SUN3: variants seen among roughly 807,000 people sequenced by gnomAD.
SUN3 encodes Sad1 and UNC84 domain containing 3, also known as SUN domain-containing protein 3.
SUN3 carries 36 observed loss-of-function variants against 48.2 expected under a neutral mutation model. The observed-to-expected ratio is 0.75, with a 90% CI of 0.57 to 0.99. SUN3 has a LOEUF of 0.99. Ranked by LOEUF, SUN3 falls within the 50% of genes least tolerant of loss-of-function variation. The probability of loss-of-function intolerance (pLI) is 0.00; values close to 1 mark genes in which losing one functional copy is unlikely to be tolerated. For synonymous variants in SUN3, 148 were observed against 147.9 expected, an observed-to-expected ratio of 1.00 and a Z score of 0.00; for missense variants, 419 against 433.1, an observed-to-expected ratio of 0.97 and a Z score of 0.29.
At chr7:48,028,267 T>C (rs1786060383) in intron 1 of SUN3, among the ~76,000 whole-genome samples, 1 of 151,940 alleles carries the variant, frequency 6.6e-6, no homozygotes, top group Admixed American at 6.6e-5. Flanking sequence ...CGTTTGTAAA[T>C]AGGTTTAGGG....
At chr7:48,001,006 T>C (rs976220803) in intron 6 of SUN3, among the ~76,000 whole-genome samples, 4 of 152,194 alleles carry the variant, frequency 2.6e-5, no homozygotes, top group Non-Finnish European at 5.9e-5. Flanking sequence ...GTTTCTGAAG[T>C]TCTGTTTGCA....
intron 6 of SUN3, among the ~76,000 whole-genome samples, chr7:47,999,749 G>A (rs538838361): frequency 6.6e-6 from 1 of 152,290 alleles, no homozygotes; most frequent in Non-Finnish European, 1.5e-5. Flanking sequence ...TGGCCAGGCT[G>A]GTCTCGAACT....
intron 6 of SUN3, among the ~76,000 whole-genome samples, chr7:48,005,178 A>G (rs373801056): frequency 5.3e-5 from 8 of 152,212 alleles, no homozygotes; most frequent in South Asian, 2.1e-4. Context: ...ACCAAAACAA[A>G]CAAACAACCA....
the SUN3 span, among the ~76,000 whole-genome samples, chr7:48,035,125 A>C: frequency 1.3e-5 from 2 of 152,168 alleles, no homozygotes; most frequent in Non-Finnish European, 2.9e-5. This position sits in a 1 kb window ranked among gnomAD's most constrained non-coding sequence, Gnocchi z 4.0. Flanking sequence ...AGGGTGAGAC[A>C]GTTATACTTA....
rs1312763832 is a variant in SUN3, at chr7:48,006,070, A to C, written c.493-17T>G. Reference sequence around the variant, plus strand: ...TGACACTTCCTGTAGAAATTTTATAAACAGTTTTCTGTTAACAATCTTTGC... The same window carrying C: ...TGACACTTCCTGTAGAAATTTTATACACAGTTTTCTGTTAACAATCTTTGC... On this transcript the variant is annotated splice_polypyrimidine_tract_variant and intron_variant, in intron 5 of 9. Transcript: ENST00000297325. 1 of 1,528,142 alleles carries C rather than the reference A, an allele frequency of 6.5e-7. No individual in the cohort carries two copies. Among genetic ancestry groups the C allele is most frequent in the Non-Finnish European group, 9.0e-7 (1 of 1,113,140 alleles). The allele number at this position is 1,528,142 out of a possible 1,614,324, so 94.7% of individuals were successfully genotyped here.
chr7:48,009,864 C>G (rs1446505324), intron 3 of SUN3, among the ~76,000 whole-genome samples: 1 of 152,090 alleles, frequency 6.6e-6, no homozygotes, highest in Non-Finnish European at 1.5e-5. Flanking sequence ...TGTTCCTCAC[C>G]TGGAATGGGG....
intron 8 of SUN3, chr7:47,991,082 C>T: frequency 2.2e-6 from 1 of 453,350 alleles, no homozygotes; most frequent in Non-Finnish European, 4.4e-6. Flanking sequence ...AAATAAACAA[C>T]AAAACAAAAC....
intron 6 of SUN3, among the ~76,000 whole-genome samples, chr7:48,005,209 G>C (rs10951941): frequency 0.45 from 68,306 of 151,442 alleles, 15,837 homozygotes; most frequent in African/African-American, 0.57. Flanking sequence ...ACTATGGTTC[G>C]TCTCCCATCT....
At position 48,025,894 on chromosome 7, in the gene SUN3, A is replaced by G. The variant is rs1235486448; in HGVS notation, c.167T>C (p.Leu56Pro). 1.2e-6 allele frequency: 2 copies of G among 1,602,478 alleles called. No homozygotes were observed. The highest frequency in any genetic ancestry group is 1.7e-6 in the Non-Finnish European group (2 of 1,172,070). The stretch of plus-strand genomic sequence containing the variant: ...AGACTTACCTACAAGAAGAAAAGTC[A>G]GTGTAAGCATTGTACTTAGAATAAT... ...WKIILSTMLT[L>P]TFLLVGLLNH... The change falls in exon 2 of 10, where the codon CTG becomes CCG. Residue 56 changes from leucine to proline, a missense_variant. Coordinates refer to ENST00000297325, the MANE Select transcript of SUN3 (RefSeq NM_001030019.2).
intron 9 of SUN3, among the ~76,000 whole-genome samples, chr7:47,988,067 C>A (rs182881191): frequency 2.0e-5 from 3 of 152,254 alleles, no homozygotes; most frequent in Non-Finnish European, 4.4e-5. Flanking sequence ...ATGAAGCCAA[C>A]TATAAGAACA....
Position 48,028,976 on chromosome 7 carries a change from G to A in SUN3, c.-38C>T, listed in dbSNP as rs1273545112. On this transcript the variant is annotated 5_prime_UTR_variant, in exon 1 of 10. Coordinates refer to ENST00000297325, the MANE Select transcript of SUN3 (RefSeq NM_001030019.2). Reference sequence around the variant, plus strand: ...AAGAACAAACAGCTGGTAGGATGAAGAGCAACATTTGTCCTCATTCCTATT... The same window carrying A: ...AAGAACAAACAGCTGGTAGGATGAAAAGCAACATTTGTCCTCATTCCTATT... 1.2e-6 allele frequency: 2 copies of A among 1,612,674 alleles called. No homozygotes were observed. Among genetic ancestry groups the A allele is most frequent in the Non-Finnish European group, 1.7e-6 (2 of 1,179,478 alleles).
chr7:47,988,239 C>T (rs1788954890), intron 9 of SUN3, among the ~76,000 whole-genome samples: 2 of 152,170 alleles, frequency 1.3e-5, no homozygotes, highest in South Asian at 2.1e-4. Flanking sequence ...ATGTCTTCTA[C>T]ATCTCTTCAG....
chr7:47,994,165 A>G (rs1346721035), intron 8 of SUN3, 150 bp downstream of exon 8: 7 of 646,474 alleles, frequency 1.1e-5, no homozygotes, highest in African/African-American at 1.9e-5. Context: ...CATTTGGTCC[A>G]ACTCTCTCTC....
At chr7:48,022,138 C>T (rs1790015666) in intron 2 of SUN3, among the ~76,000 whole-genome samples, 2 of 152,070 alleles carry the variant, frequency 1.3e-5, no homozygotes, top group Admixed American at 1.3e-4. Context: ...AATTGGAGAT[C>T]ATTATGTTCA....
chr7:48,020,300 A>C (rs1011594934), intron 2 of SUN3, among the ~76,000 whole-genome samples: 2 of 152,160 alleles, frequency 1.3e-5, no homozygotes, highest in Non-Finnish European at 2.9e-5. Context: ...TGGGTATAGA[A>C]GGAACATACC....
chr7:48,022,664 A>C (rs1222533686), intron 2 of SUN3, among the ~76,000 whole-genome samples: 1 of 152,084 alleles, frequency 6.6e-6, no homozygotes, highest in African/African-American at 2.4e-5. Context: ...ACATCCAAGA[A>C]ACTCAACAAA....
At chr7:48,035,191 G>A in the SUN3 span, among the ~76,000 whole-genome samples, 1 of 152,170 alleles carries the variant, frequency 6.6e-6, no homozygotes, top group Non-Finnish European at 1.5e-5. This position sits in a 1 kb window ranked among gnomAD's most constrained non-coding sequence, Gnocchi z 4.0. Context: ...CAGTAACTGT[G>A]GTTCCCAGCC....
intron 3 of SUN3, among the ~76,000 whole-genome samples, chr7:48,009,898 G>A (rs1377593099): frequency 6.6e-6 from 1 of 152,124 alleles, no homozygotes; most frequent in African/African-American, 2.4e-5. Flanking sequence ...GCATCCTCCT[G>A]TCACTGAGAA....
intron 2 of SUN3, among the ~76,000 whole-genome samples, chr7:48,021,504 C>A: frequency 6.6e-6 from 1 of 151,140 alleles, no homozygotes; most frequent in East Asian, 1.9e-4. Flanking sequence ...TACAAACTAC[C>A]CATCTGACAA....
Sources: gnomAD v4.1 joint callset for allele counts (sites outside exome capture counted in the v4.1 genomes callset) on GRCh38, gnomAD v4.1.1 for gene constraint, Gnocchi (gnomAD v3.1) non-coding constraint, MANE v1.5 for transcripts, NCBI Gene and HGNC (gene_info 2026-07-23, HGNC 2026-07-21) for gene names.